Variants in SGCA observed in about 807,000 individuals in gnomAD.
SGCA encodes the protein sarcoglycan alpha, also known as alpha-sarcoglycan.
SGCA carries 34 observed loss-of-function variants against 38.1 expected under a neutral mutation model. The ratio of observed to expected loss-of-function variants is 0.89; its 90% CI spans 0.68 to 1.19. SGCA has a LOEUF of 1.19. Among genes scored for constraint, SGCA ranks in the 50% most tolerant of loss-of-function variants. The probability of loss-of-function intolerance (pLI) is 0.00; values close to 1 mark genes in which losing one functional copy is unlikely to be tolerated. For missense variants in SGCA, 476 were observed against 524.9 expected (o/e 0.91, Z 0.91); for synonymous variants, 209 against 214.6 (o/e 0.97, Z 0.23).
At chr17:50,173,025 T>G (rs1432999242) in intron 8 of SGCA, among the ~76,000 whole-genome samples, 1 of 152,262 alleles carries the variant, frequency 6.6e-6, no homozygotes, top group Non-Finnish European at 1.5e-5. Context: ...GATATTCTCT[T>G]GTGACCAGTA....
At chr17:50,169,942 T>C in intron 6 of SGCA, 2 of 635,748 alleles carry the variant, frequency 3.1e-6, no homozygotes, top group Non-Finnish European at 5.7e-6. Context: ...CAGAGGCACA[T>C]AATCATCCTA....
Position 50,167,564 on chromosome 17 carries a change from T to C in SGCA, c.158-18T>C. 6.2e-7 allele frequency: 1 copy of C among 1,613,480 alleles called. No individual in the cohort carries two copies. Among genetic ancestry groups the C allele is most frequent in the Non-Finnish European group, 8.5e-7 (1 of 1,179,968 alleles). ...GGCTCCTGCTGTGACTCGAATCCCCTCTCCTCGCTTCCACCAGCTGTCCCA... is the reference window on the plus strand; with the variant it reads ...GGCTCCTGCTGTGACTCGAATCCCCCCTCCTCGCTTCCACCAGCTGTCCCA... On this transcript the variant is annotated intron_variant, in intron 2 of 9. Transcript: ENST00000262018. The surrounding 1 kb of genome is among the most constrained non-coding windows in gnomAD (Gnocchi z 4.5).
rs527959287 is a variant in SGCA, at chr17:50,167,755, A to C, written c.312+19A>C. 1.0e-4 allele frequency: 160 copies of C among 1,602,596 alleles called. 3 individuals are homozygous for C. In the South Asian group the frequency reaches 1.1e-3, roughly 11 times the overall value. ...CATTGAGGTGCCGTCAGGGACCCTG[A>C]GAAAATCACAGGGGTGGGCCAGAGT... On this transcript the variant is annotated intron_variant, in intron 3 of 9. Coordinates refer to ENST00000262018, the MANE Select transcript of SGCA (RefSeq NM_000023.4). The surrounding 1 kb of genome is among the most constrained non-coding windows in gnomAD (Gnocchi z 4.5).
chr17:50,171,339 T>A (rs1905371698), intron 8 of SGCA: 1 of 358,482 alleles, frequency 2.8e-6, no homozygotes, highest in Admixed American at 3.7e-5. Flanking sequence ...TTGGCCTGGT[T>A]TCCCCTACTC....
chr17:50,168,955 C>T, intron 5 of SGCA, 137 bp from the exon 6 acceptor site: 1 of 794,030 alleles, frequency 1.3e-6, no homozygotes, highest in Non-Finnish European at 2.2e-6. Flanking sequence ...CTCCCTTAAT[C>T]CTCCCTCTTA....
rs2144493078 is a variant in SGCA, at chr17:50,167,387, G to A, written c.57G>A (p.Gly19=). ...CCACAGTTCTCCTGGCAGGGCTGGGGGACACCGAGGCCCAGCAGACCACGC... is the reference window on the plus strand; with the variant it reads ...CCACAGTTCTCCTGGCAGGGCTGGGAGACACCGAGGCCCAGCAGACCACGC... ...PLLVVLLAGL[G]DTEAQQTTLH... is the part of the protein sequence containing the mutation. The change falls in exon 2 of 10, where the codon GGG becomes GGA. Residue 19 remains glycine (G), a synonymous_variant. Transcript: ENST00000262018. The surrounding 1 kb of genome is among the most constrained non-coding windows in gnomAD (Gnocchi z 4.5). 6.2e-7 allele frequency: 1 copy of A among 1,614,144 alleles called. No homozygotes were observed.
intron 8 of SGCA, among the ~76,000 whole-genome samples, chr17:50,171,230 C>T (rs897007500): frequency 2.0e-5 from 3 of 152,210 alleles, no homozygotes; most frequent in African/African-American, 7.2e-5. Flanking sequence ...TTCTTTCTGG[C>T]TTCAGATGCT....
chr17:50,175,249 G>T lies in SGCA; in HGVS notation c.984-8G>T. On this transcript the variant is annotated splice_region_variant and splice_polypyrimidine_tract_variant and intron_variant, in intron 8 of 9. Transcript: ENST00000262018. ...CCAGAGCTGATGACTCCCCACCTGT[G>T]CCTCCAGCATCCAGATGGTCCACCA... 1 of 1,597,066 alleles carries T rather than the reference G, an allele frequency of 6.3e-7. No individual in the cohort carries two copies. The highest frequency in any genetic ancestry group is 8.5e-7 in the Non-Finnish European group (1 of 1,172,696).
Position 50,175,329 on chromosome 17 carries a change from G to C in SGCA, c.1056G>C (p.Glu352Asp). 6.2e-7 allele frequency: 1 copy of C among 1,610,452 alleles called. No individual in the cohort carries two copies. Among genetic ancestry groups the C allele is most frequent in the Non-Finnish European group, 8.5e-7 (1 of 1,179,164 alleles). Residue 352 changes from glutamate to aspartate, a missense_variant, in exon 9 of 10, where the codon GAG (glutamate) becomes GAC (aspartate). Transcript: ENST00000262018. ...TGCGGCAGATGGCGGCCAGCCGCGA[G>C]GTGCCCCGGCCACTCTCCACCCTGC... ...EELRQMAASR[E>D]VPRPLSTLPM...
Position 50,168,553 on chromosome 17 carries a change from A to C in SGCA, c.565A>C (p.Ile189Leu). ...LDRGGRVPLP[I>L]EGRKEGVYIK... Reference sequence around the variant, plus strand: ...CCGTGGGGGCCGTGTCCCCCTTCCCATTGAGGGCCGAAAAGAAGGGTAGGT... The same window carrying C: ...CCGTGGGGGCCGTGTCCCCCTTCCCCTTGAGGGCCGAAAAGAAGGGTAGGT... Residue 189 changes from isoleucine to leucine, a missense_variant, in exon 5 of 10, where the codon ATT becomes CTT. Transcript: ENST00000262018. The C allele has an allele frequency of 6.4e-7, 1 of 1,570,274 alleles. No individual in the cohort carries two copies.
In SGCA at chr17:50,175,655, G is replaced by A. The variant is rs1280914364; in HGVS notation, c.*13-57G>A. On this transcript the variant is annotated intron_variant, in intron 9 of 9. Coordinates refer to ENST00000262018, the MANE Select transcript of SGCA (RefSeq NM_000023.4). ...ACTCGCAGTTGGAGTGTCAGGGTGG[G>A]GAAGTCAGGAGAACCAGCATCTGGC... 6 of 688,528 alleles carry A rather than the reference G, an allele frequency of 8.7e-6. 1 individual carries two copies. The highest frequency in any genetic ancestry group is 4.5e-5 in the South Asian group (3 of 66,414). 42.7% of individuals were successfully genotyped at this position (688,528 alleles called of 1,614,324 possible).
chr17:50,170,450 A>T, intron 7 of SGCA, 99 bp downstream of exon 7: 3 of 1,392,068 alleles, frequency 2.2e-6, no homozygotes, highest in Non-Finnish European at 3.0e-6. Context: ...ACACCATGGG[A>T]ATGGGGTTCT....
In SGCA at chr17:50,168,279, G is replaced by T. The variant is rs945636994; in HGVS notation, c.386-95G>T. On this transcript the variant is annotated intron_variant, in intron 4 of 9. Coordinates refer to ENST00000262018, the MANE Select transcript of SGCA (RefSeq NM_000023.4). ...TGGATGGGGCATTGAGGGGCCTGAA[G>T]GGGTGTGCAGGGATGTGGGGAGGAG... 3 of 1,086,670 alleles carry T rather than the reference G, an allele frequency of 2.8e-6. No individual in the cohort carries two copies. The Admixed American group carries it at 6.0e-5, about 22-fold the overall frequency. The allele number at this position is 1,086,670 out of a possible 1,614,324, so 67.3% of individuals were successfully genotyped here.
rs1176984645 is a variant in SGCA at position 50,175,250 on chromosome 17, C to T, written c.984-7C>T. ...CAGAGCTGATGACTCCCCACCTGTG[C>T]CTCCAGCATCCAGATGGTCCACCAC... On this transcript the variant is annotated splice_region_variant and splice_polypyrimidine_tract_variant and intron_variant, in intron 8 of 9. Coordinates refer to ENST00000262018, the MANE Select transcript of SGCA (RefSeq NM_000023.4). The T allele has an allele frequency of 6.3e-7, 1 of 1,597,636 alleles. No homozygotes were observed. Among genetic ancestry groups the T allele is most frequent in the Admixed American group, 1.7e-5 (1 of 57,908 alleles).
At chr17:50,172,584 C>G (rs779547540) in intron 8 of SGCA, among the ~76,000 whole-genome samples, 2 of 152,184 alleles carry the variant, frequency 1.3e-5, no homozygotes, top group African/African-American at 2.4e-5. Context: ...TGGGCTCAAG[C>G]GATCCTCCCA....
intron 1 of SGCA, 82 bp downstream of exon 1, chr17:50,166,159 C>T: frequency 8.3e-7 from 1 of 1,206,154 alleles, no homozygotes; most frequent in Non-Finnish European, 1.2e-6. Context: ...TGTGGAGGGC[C>T]CACAGAAGAG....
At chr17:50,169,449 CT>C in intron 6 of SGCA, 195 bp downstream of exon 6, 1 of 451,540 alleles carries the variant, frequency 2.2e-6, no homozygotes, top group East Asian at 4.0e-5. Flanking sequence ...ACACACACCC[CT>C]GAAGTTCTAC....
At chr17:50,166,417 G>A (rs988204958) in intron 1 of SGCA, among the ~76,000 whole-genome samples, 1 of 152,066 alleles carries the variant, frequency 6.6e-6, no homozygotes, top group South Asian at 2.1e-4. Flanking sequence ...GGGAGGGAGG[G>A]TGGAGCTGGC....
chr17:50,169,018 A>G, intron 5 of SGCA, 74 bp from the exon 6 acceptor site: 1 of 1,437,394 alleles, frequency 7.0e-7, no homozygotes, highest in Admixed American at 1.7e-5. Flanking sequence ...GGAAAGTTTC[A>G]ACAACCCCTG....
Sources: gnomAD v4.1 joint callset for allele counts (sites outside exome capture counted in the v4.1 genomes callset) on GRCh38, gnomAD v4.1.1 for gene constraint, Gnocchi (gnomAD v3.1) non-coding constraint, MANE v1.5 for transcripts, NCBI Gene and HGNC (gene_info 2026-07-23, HGNC 2026-07-21) for gene names.